DCAF8L2: variants seen among roughly 807,000 people sequenced by gnomAD.
DCAF8L2 encodes DDB1- and CUL4-associated factor 8-like protein 2.
For missense variants in DCAF8L2, 430 were observed against 490.7 expected, an observed-to-expected ratio of 0.88 and a Z score of 1.17; for synonymous variants, 200 against 190.9, an observed-to-expected ratio of 1.05 and a Z score of -0.39.
At chrX:27,474,955 T>C in the DCAF8L2 span, among the ~76,000 whole-genome samples, 1 of 111,097 alleles carries the variant, frequency 9.0e-6, no homozygotes, top group Admixed American at 9.6e-5. Context: ...CCTTGGATGC[T>C]TTGGAAGAGG....
the DCAF8L2 span, among the ~76,000 whole-genome samples, chrX:27,572,697 A>C: frequency 8.9e-6 from 1 of 111,814 alleles, no homozygotes; most frequent in South Asian, 3.8e-4. Context: ...TAGCCCATTC[A>C]TATGGGTCAG....
intron 1 of DCAF8L2, among the ~76,000 whole-genome samples, chrX:27,616,740 C>G (rs1243005849): frequency 9.0e-6 from 1 of 111,281 alleles, no homozygotes; most frequent in Non-Finnish European, 1.9e-5. Flanking sequence ...CAGAGAGAGG[C>G]TCTTTGTCCA....
the DCAF8L2 span, among the ~76,000 whole-genome samples, chrX:27,523,737 A>G: frequency 3.1e-4 from 34 of 109,165 alleles, no homozygotes; most frequent in African/African-American, 1.0e-3. Flanking sequence ...CATTTGCATT[A>G]GGTATATCTC....
chrX:27,612,822 G>A (rs1209351831), intron 1 of DCAF8L2, among the ~76,000 whole-genome samples: 2 of 111,590 alleles, frequency 1.8e-5, no homozygotes, highest in African/African-American at 6.5e-5. Flanking sequence ...TGTTTTGGTT[G>A]CCAGTACCAT....
chrX:27,611,014 CAT>C (rs1240102347), intron 1 of DCAF8L2, among the ~76,000 whole-genome samples: 1 of 112,068 alleles, frequency 8.9e-6, no homozygotes, highest in Non-Finnish European at 1.9e-5. Flanking sequence ...CAAATGAATT[CAT>C]TAACACTTTA....
At chrX:27,482,753 T>C in the DCAF8L2 span, among the ~76,000 whole-genome samples, 1 of 108,670 alleles carries the variant, frequency 9.2e-6, no homozygotes, top group African/African-American at 3.6e-5. Context: ...TGCAAGTTAT[T>C]AGATAAATTC....
At chrX:27,519,544 A>G in the DCAF8L2 span, 2 of 753,450 alleles carry the variant, frequency 2.7e-6, no homozygotes, top group Non-Finnish European at 4.2e-6. Context: ...AGAGTTAAAA[A>G]CTGTGATGTC....
chrX:27,561,605 TA>T, the DCAF8L2 span, among the ~76,000 whole-genome samples: 1 of 111,201 alleles, frequency 9.0e-6, no homozygotes, highest in Admixed American at 9.6e-5. Context: ...CTCTGTACCC[TA>T]AAAAAACACT....
chrX:27,722,369 C>T (rs779951329), intron 4 of DCAF8L2, among the ~76,000 whole-genome samples: 8 of 111,196 alleles, frequency 7.2e-5, no homozygotes, highest in Middle Eastern at 4.6e-3. Flanking sequence ...TTTAATAAAC[C>T]GAACCTATTG....
At chrX:27,534,409 A>G in the DCAF8L2 span, among the ~76,000 whole-genome samples, 2 of 111,760 alleles carry the variant, frequency 1.8e-5, no homozygotes, top group Non-Finnish European at 3.8e-5. Flanking sequence ...GCATGCATAC[A>G]TACTTACAAA....
At chrX:27,577,853 G>A in the DCAF8L2 span, among the ~76,000 whole-genome samples, 1 of 111,469 alleles carries the variant, frequency 9.0e-6, no homozygotes. Flanking sequence ...GGAAGCAAAG[G>A]ACTTTCTCAA....
At chrX:27,670,986 C>T (rs1929933837) in intron 2 of DCAF8L2, among the ~76,000 whole-genome samples, 1 of 112,019 alleles carries the variant, frequency 8.9e-6, no homozygotes, top group African/African-American at 3.2e-5. Flanking sequence ...CAACATTAGG[C>T]ATTCCTTTAT....
chrX:27,711,923 T>C (rs1478866740), intron 3 of DCAF8L2, among the ~76,000 whole-genome samples: 1 of 111,398 alleles, frequency 9.0e-6, no homozygotes, highest in Non-Finnish European at 1.9e-5. Flanking sequence ...GAGTGAGTTT[T>C]GGTAGCTTGA....
intron 2 of DCAF8L2, among the ~76,000 whole-genome samples, chrX:27,636,474 C>T (rs1427690577): frequency 1.8e-5 from 2 of 111,176 alleles, no homozygotes; most frequent in African/African-American, 3.3e-5. Flanking sequence ...TATGTAACTC[C>T]CTAGAAAATC....
chrX:27,671,263 G>C (rs1049741559), intron 2 of DCAF8L2, among the ~76,000 whole-genome samples: 2 of 111,472 alleles, frequency 1.8e-5, no homozygotes, highest in Non-Finnish European at 3.8e-5. Flanking sequence ...CATACAGTCT[G>C]GTAACTGTTA....
At chrX:27,522,502 A>G in the DCAF8L2 span, among the ~76,000 whole-genome samples, 1 of 112,152 alleles carries the variant, frequency 8.9e-6, no homozygotes, top group East Asian at 2.8e-4. Context: ...CTAAGTGTAC[A>G]TTACAGTACT....
intron 2 of DCAF8L2, among the ~76,000 whole-genome samples, chrX:27,670,406 A>C (rs748944296): frequency 9.0e-6 from 1 of 110,797 alleles, no homozygotes; most frequent in Non-Finnish European, 1.9e-5. Context: ...ATTCCCCTCT[A>C]TCTCTCATCT....
At chrX:27,698,244 A>C (rs182016181) in intron 3 of DCAF8L2, among the ~76,000 whole-genome samples, 1 of 111,510 alleles carries the variant, frequency 9.0e-6, no homozygotes, top group African/African-American at 3.3e-5. Flanking sequence ...TATATATGTT[A>C]TTAATTTGGA....
chrX:27,651,532 CGGAGTCTTGCT>C (rs1929151687), intron 2 of DCAF8L2, among the ~76,000 whole-genome samples: 1 of 72,020 alleles, frequency 1.4e-5, no homozygotes, highest in Admixed American at 2.2e-4. Flanking sequence ...TTTTTTGAGA[CGGAGTCTTGCT>C]CTGTCGCCCA....
Sources: allele counts gnomAD v4.1 joint callset (sites outside exome capture counted in the v4.1 genomes callset), GRCh38; gene constraint gnomAD v4.1.1; transcripts MANE v1.5; gene names NCBI Gene and HGNC (gene_info 2026-07-23, HGNC 2026-07-21).